The following SRBD1 variants were observed in gnomAD, a reference collection of about 807,000 sequenced individuals.
The protein encoded by SRBD1 is S1 RNA-binding domain-containing protein 1.
Under a neutral mutation model 115.3 loss-of-function variants are expected in SRBD1, and 88 were observed. The ratio of observed to expected loss-of-function variants is 0.76; its 90% CI spans 0.64 to 0.91. SRBD1 has a LOEUF of 0.91. Among genes scored for constraint, SRBD1 ranks in the 40% least tolerant of loss-of-function variants. The pLI is 0.00. For synonymous variants in SRBD1, 509 were observed against 407.7 expected (o/e 1.25, Z -2.99); for missense variants, 1,385 against 1,177.4 (o/e 1.18, Z -2.58).
intron 9 of SRBD1, among the ~76,000 whole-genome samples, chr2:45,570,504 A>G (rs1270626168): frequency 6.6e-6 from 1 of 152,242 alleles, no homozygotes; most frequent in Non-Finnish European, 1.5e-5. Flanking sequence ...GTTAGGAGTG[A>G]CATCACTGAA....
intron 14 of SRBD1, among the ~76,000 whole-genome samples, chr2:45,523,442 A>C (rs577341803): frequency 1.3e-5 from 2 of 151,992 alleles, no homozygotes; most frequent in East Asian, 3.9e-4. Flanking sequence ...AAATTGACAA[A>C]CCATTAGCTA....
At chr2:45,562,216 TG>T (rs1175143657) in intron 10 of SRBD1, among the ~76,000 whole-genome samples, 1 of 152,008 alleles carries the variant, frequency 6.6e-6, no homozygotes, top group Admixed American at 6.6e-5. Flanking sequence ...CTGTTATTGG[TG>T]GGTTTTTTGT....
chr2:45,599,579 T>C lies in SRBD1; in HGVS notation c.518A>G (p.Asp173Gly). Reference sequence around the variant, plus strand: ...TAAAGCGGACTGACCAAATGTAAAGTCATCGTCATTCTCTTCCTTCTTGCA... The same window carrying C: ...TAAAGCGGACTGACCAAATGTAAAGCCATCGTCATTCTCTTCCTTCTTGCA... ...GTCKKEENDD[D>G]FTFGQSALKK... Residue 173 changes from aspartate (D) to glycine (G), a missense_variant, in exon 4 of 21, where the codon GAC becomes GGC. Transcript: ENST00000263736. 1 of 1,614,200 alleles carries C rather than the reference T, an allele frequency of 6.2e-7. No homozygotes were observed. Among genetic ancestry groups the C allele is most frequent in the Non-Finnish European group, 8.5e-7 (1 of 1,180,024 alleles).
At chr2:45,440,718 A>G (rs1668641629) in intron 16 of SRBD1, among the ~76,000 whole-genome samples, 1 of 152,202 alleles carries the variant, frequency 6.6e-6, no homozygotes, top group Non-Finnish European at 1.5e-5. Context: ...TTTAGCCATA[A>G]GAAAGAATTT....
intron 2 of SRBD1, 44 bp downstream of exon 2, chr2:45,605,318 A>T: frequency 4.5e-6 from 7 of 1,569,360 alleles, no homozygotes; most frequent in Middle Eastern, 1.7e-4. Flanking sequence ...CCTTATTAAA[A>T]TATTCATCAT....
intron 19 of SRBD1, among the ~76,000 whole-genome samples, chr2:45,405,118 T>C (rs770328304): frequency 1.3e-5 from 2 of 152,202 alleles, no homozygotes; most frequent in Non-Finnish European, 2.9e-5. Context: ...CAACATTTTA[T>C]CACACTGTAT....
intron 19 of SRBD1, among the ~76,000 whole-genome samples, chr2:45,409,327 A>T (rs891500722): frequency 3.3e-5 from 5 of 152,142 alleles, no homozygotes; most frequent in African/African-American, 1.2e-4. Flanking sequence ...TATTGCAAGA[A>T]GTCTATGAAT....
intron 14 of SRBD1, among the ~76,000 whole-genome samples, chr2:45,491,655 T>C (rs929022199): frequency 6.6e-5 from 10 of 152,198 alleles, no homozygotes; most frequent in Non-Finnish European, 1.3e-4. Flanking sequence ...ATAATTAAAT[T>C]GATAATTTAA....
chr2:45,590,573 C>T (rs531008494), intron 4 of SRBD1, among the ~76,000 whole-genome samples: 1 of 152,112 alleles, frequency 6.6e-6, no homozygotes, highest in Non-Finnish European at 1.5e-5. Context: ...GTGAGTCTTA[C>T]AAGATATAAT....
chr2:45,526,120 G>A (rs1456019511), intron 14 of SRBD1, among the ~76,000 whole-genome samples: 2 of 151,988 alleles, frequency 1.3e-5, no homozygotes, highest in Non-Finnish European at 1.5e-5. Context: ...TAAGAGAAAT[G>A]AGCCCATATG....
intron 19 of SRBD1, 117 bp downstream of exon 19, chr2:45,412,997 A>T (rs1367699048): frequency 5.0e-6 from 6 of 1,198,692 alleles, no homozygotes; most frequent in Non-Finnish European, 7.0e-6. Flanking sequence ...ACTTCTGAAA[A>T]ATGTTGTCAC....
At chr2:45,448,584 G>C (rs987164323) in intron 16 of SRBD1, among the ~76,000 whole-genome samples, 3 of 152,140 alleles carry the variant, frequency 2.0e-5, no homozygotes, top group Admixed American at 6.6e-5. Context: ...GGGTAAACTG[G>C]AAAGGCTTGT....
intron 9 of SRBD1, among the ~76,000 whole-genome samples, chr2:45,569,968 A>C (rs1040204921): frequency 2.0e-5 from 3 of 152,252 alleles, no homozygotes; most frequent in Non-Finnish European, 2.9e-5. Flanking sequence ...CTTTCTTCAG[A>C]CATTCACTAG....
chr2:45,471,459 T>C (rs574575939), intron 16 of SRBD1, among the ~76,000 whole-genome samples: 11 of 152,304 alleles, frequency 7.2e-5, no homozygotes, highest in Admixed American at 6.5e-4. Context: ...TTGTAGTTGC[T>C]TCTAATATTT....
intron 19 of SRBD1, among the ~76,000 whole-genome samples, chr2:45,410,330 A>C (rs1272544236): frequency 2.4e-4 from 36 of 152,214 alleles, no homozygotes; most frequent in Admixed American, 2.4e-3. Flanking sequence ...GTTCCAAGAA[A>C]ACTGAACTTT....
chr2:45,414,514 C>T (rs960472390), intron 18 of SRBD1, among the ~76,000 whole-genome samples: 1 of 149,458 alleles, frequency 6.7e-6, no homozygotes, highest in South Asian at 2.1e-4. Flanking sequence ...TGTGTACACA[C>T]ATAGTGTGTA....
At chr2:45,434,946 G>A (rs1668445944) in intron 16 of SRBD1, among the ~76,000 whole-genome samples, 2 of 151,718 alleles carry the variant, frequency 1.3e-5, no homozygotes, top group Admixed American at 6.6e-5. Context: ...ACAGGCCCCG[G>A]TGTGTGATGT....
At chr2:45,452,499 A>G (rs1275610579) in intron 16 of SRBD1, among the ~76,000 whole-genome samples, 2 of 152,052 alleles carry the variant, frequency 1.3e-5, no homozygotes, top group African/African-American at 2.4e-5. Context: ...CCAAAGAGCT[A>G]TAACTCATGT....
At chr2:45,394,536 A>T (rs757567984) in intron 19 of SRBD1, among the ~76,000 whole-genome samples, 2 of 152,216 alleles carry the variant, frequency 1.3e-5, no homozygotes, top group Non-Finnish European at 2.9e-5. Flanking sequence ...CTATAATCAG[A>T]ATGGGGATAT....
Sources: gnomAD v4.1 joint callset for allele counts (sites outside exome capture counted in the v4.1 genomes callset) on GRCh38, gnomAD v4.1.1 for gene constraint, MANE v1.5 for transcripts, NCBI Gene and HGNC (gene_info 2026-07-23, HGNC 2026-07-21) for gene names.